PCDHA13: variants seen among roughly 807,000 people sequenced by gnomAD.
PCDHA13 encodes protocadherin alpha 13.
PCDHA13 carries 54 observed loss-of-function variants against 64.8 expected under a neutral mutation model. The observed-to-expected ratio is 0.83, with a 90% CI of 0.67 to 1.04. PCDHA13 has a LOEUF of 1.04. Ranked by LOEUF, PCDHA13 falls within the 50% of genes least tolerant of loss-of-function variation. PCDHA13 has a pLI of 0.00. For missense variants in PCDHA13, 1,248 were observed against 1,254.3 expected, an observed-to-expected ratio of 0.99 and a Z score of 0.08; for synonymous variants, 587 against 564.4, an observed-to-expected ratio of 1.04 and a Z score of -0.57.
chr5:140,945,076 C>G (rs2093735426), intron 1 of PCDHA13, among the ~76,000 whole-genome samples: 1 of 152,104 alleles, frequency 6.6e-6, no homozygotes, highest in South Asian at 2.1e-4. Flanking sequence ...TCCACCAAAA[C>G]ACTCTTGGAA....
chr5:140,884,762 A>C, intron 1 of PCDHA13, 100 bp downstream of exon 1: 1 of 1,423,132 alleles, frequency 7.0e-7, no homozygotes, highest in Non-Finnish European at 9.2e-7. Flanking sequence ...ATTATTCTTT[A>C]CTTTAATTTT....
At chr5:140,946,611 A>AATATAT (rs1554217734) in intron 1 of PCDHA13, among the ~76,000 whole-genome samples, 1,127 of 86,766 alleles carry the variant, frequency 0.013, 130 homozygotes, top group African/African-American at 0.067. Flanking sequence ...GAAAATGTGA[A>AATATAT]ATATATATAT....
intron 3 of PCDHA13, 42 bp downstream of exon 3, chr5:140,982,605 A>G: frequency 1.9e-6 from 3 of 1,605,520 alleles, no homozygotes; most frequent in Non-Finnish European, 2.6e-6. Flanking sequence ...GGTTTCTGGA[A>G]AGTGATCAGA....
At chr5:141,002,934 C>A (rs1318656602) in intron 3 of PCDHA13, among the ~76,000 whole-genome samples, 2 of 152,172 alleles carry the variant, frequency 1.3e-5, no homozygotes, top group Non-Finnish European at 2.9e-5. Flanking sequence ...CCTCCAACAC[C>A]CTCCAGCACA....
chr5:140,886,917 T>C (rs893093876), intron 1 of PCDHA13, among the ~76,000 whole-genome samples: 12 of 152,044 alleles, frequency 7.9e-5, no homozygotes, highest in Non-Finnish European at 1.8e-4. Flanking sequence ...TTATTGAGTG[T>C]TCTCTATGTG....
intron 1 of PCDHA13, among the ~76,000 whole-genome samples, chr5:140,939,903 C>A (rs782506444): frequency 3.9e-4 from 60 of 152,166 alleles, no homozygotes; most frequent in Non-Finnish European, 5.9e-4. Flanking sequence ...ATTCTGCATT[C>A]TTTTTTATTC....
At chr5:140,892,480 CA>C (rs1484176083) in intron 1 of PCDHA13, among the ~76,000 whole-genome samples, 14 of 152,110 alleles carry the variant, frequency 9.2e-5, no homozygotes, top group Non-Finnish European at 1.8e-4. Context: ...GTTTCCTAGC[CA>C]AACATGAGAG....
intron 1 of PCDHA13, among the ~76,000 whole-genome samples, chr5:140,887,688 G>GA (rs1453843716): frequency 4.2e-4 from 64 of 151,926 alleles, no homozygotes; most frequent in Middle Eastern, 3.2e-3. Context: ...TCAAATTCAG[G>GA]AAAAAATCAA....
At chr5:140,896,864 G>A (rs1223708211) in intron 1 of PCDHA13, among the ~76,000 whole-genome samples, 1 of 152,088 alleles carries the variant, frequency 6.6e-6, no homozygotes, top group Admixed American at 6.5e-5. Flanking sequence ...CATAATAAGT[G>A]TACATATTTA....
At chr5:140,888,700 T>C (rs534278841) in intron 1 of PCDHA13, among the ~76,000 whole-genome samples, 2 of 152,274 alleles carry the variant, frequency 1.3e-5, no homozygotes, top group Non-Finnish European at 2.9e-5. Flanking sequence ...CTCTGATTGG[T>C]AGGAATGTGA....
At position 140,883,606 on chromosome 5, in the gene PCDHA13, C is replaced by G; in HGVS notation, c.1338C>G (p.Ala446=). 3 of 1,613,944 alleles carry G rather than the reference C, an allele frequency of 1.9e-6. No homozygotes were observed. In the African/African-American group the frequency reaches 4.0e-5, roughly 22 times the overall value. Residue 446 remains alanine (A), a synonymous_variant, in exon 1 of 4, where the codon GCC becomes GCG. Coordinates refer to ENST00000289272, the MANE Select transcript of PCDHA13 (RefSeq NM_018904.3). ...WATASVSVGV[A]DVNDNAPAFA... ...CGGCCAGCGTGTCGGTGGGGGTGGC[C>G]GACGTGAACGACAACGCGCCGGCGT...
Position 140,884,598 on chromosome 5 carries a change from C to T in PCDHA13, c.2330C>T (p.Pro777Leu), listed in dbSNP as rs782317237. 2.5e-6 allele frequency: 4 copies of T among 1,614,108 alleles called. No individual in the cohort carries two copies. ...CTCATGGCCTTCAGTCCCAGCCTTCCTCCTTGTCTGGGTTCTGCAGAGGGA... is the reference window on the plus strand; with the variant it reads ...CTCATGGCCTTCAGTCCCAGCCTTCTTCCTTGTCTGGGTTCTGCAGAGGGA... ...TDLMAFSPSL[P>L]PCLGSAEGTG... Residue 777 changes from proline to leucine, a missense_variant, in exon 1 of 4, where the codon CCT becomes CTT. Coordinates refer to ENST00000289272, the MANE Select transcript of PCDHA13 (RefSeq NM_018904.3).
At chr5:140,884,688 C>T in intron 1 of PCDHA13, 26 bp downstream of exon 1, 1 of 1,535,868 alleles carries the variant, frequency 6.5e-7, no homozygotes, top group Non-Finnish European at 8.8e-7. Context: ...AAAAAATTGT[C>T]TTAGTAAACA....
chr5:141,009,710 C>A lies in PCDHA13; in HGVS notation c.2626C>A (p.Pro876Thr), dbSNP rs2098413865. 1 of 1,613,980 alleles carries A rather than the reference C, an allele frequency of 6.2e-7. No individual in the cohort carries two copies. Among genetic ancestry groups the A allele is most frequent in the African/African-American group, 1.3e-5 (1 of 74,884 alleles). Residue 876 changes from proline (P) to threonine (T), a missense_variant, in exon 4 of 4, where the codon CCC becomes ACC. Pro to Thr is a conservative substitution (Grantham distance 38). Transcript: ENST00000289272. ...GACCTTTAAATACGGACCAGGCAAC[C>A]CCAAACAATCCGGTCCCGGTGAGTT... ...SWTFKYGPGN[P>T]KQSGPGELPD...
At chr5:140,965,238 A>T (rs540671197) in intron 1 of PCDHA13, among the ~76,000 whole-genome samples, 1 of 152,314 alleles carries the variant, frequency 6.6e-6, no homozygotes, top group African/African-American at 2.4e-5. Flanking sequence ...ACCTGGGAAG[A>T]GTGAATATTC....
chr5:140,965,305 A>G (rs2095888625), intron 1 of PCDHA13, among the ~76,000 whole-genome samples: 2 of 152,136 alleles, frequency 1.3e-5, no homozygotes, highest in African/African-American at 4.8e-5. Context: ...TGATCCTTCT[A>G]CCTTCTCTTT....
At chr5:140,930,446 C>T (rs891083222) in intron 1 of PCDHA13, 1 of 151,964 alleles carries the variant, frequency 6.6e-6, no homozygotes, top group Admixed American at 6.6e-5. Context: ...TGGTCTCAAA[C>T]TCCTAGCCTC....
At chr5:140,889,218 G>T (rs1163027011) in intron 1 of PCDHA13, among the ~76,000 whole-genome samples, 1 of 151,574 alleles carries the variant, frequency 6.6e-6, no homozygotes, top group Non-Finnish European at 1.5e-5. Flanking sequence ...AAGAAGAATA[G>T]TCTTTGAAAA....
chr5:140,985,289 T>C (rs2097145554), intron 3 of PCDHA13, among the ~76,000 whole-genome samples: 2 of 152,172 alleles, frequency 1.3e-5, no homozygotes, highest in African/African-American at 4.8e-5. Flanking sequence ...ATCTATGATA[T>C]AGTGTTGGCT....
Sources: gnomAD v4.1 joint callset for allele counts (sites outside exome capture counted in the v4.1 genomes callset) on GRCh38, gnomAD v4.1.1 for gene constraint, MANE v1.5 for transcripts, NCBI Gene and HGNC (gene_info 2026-07-23, HGNC 2026-07-21) for gene names.